TRMT10B: variants seen among roughly 807,000 people sequenced by gnomAD.
TRMT10B encodes the protein tRNA methyltransferase 10 homolog B.
TRMT10B carries 33 observed loss-of-function variants against 43.8 expected under a neutral mutation model. The ratio of observed to expected loss-of-function variants is 0.75; its 90% CI spans 0.57 to 1.01. The LOEUF (loss-of-function observed/expected upper bound fraction) is 1.01, where lower values mean the gene tolerates loss of function less well. Ranked by LOEUF, TRMT10B falls within the 50% of genes least tolerant of loss-of-function variation. The pLI, the probability that TRMT10B is intolerant of heterozygous loss-of-function variation, is 0.00. For missense variants in TRMT10B, 362 were observed against 369.8 expected, an observed-to-expected ratio of 0.98 and a Z score of 0.17; for synonymous variants, 137 against 130.6, an observed-to-expected ratio of 1.05 and a Z score of -0.34.
chr9:37,760,947 T>C (rs1034854755), intron 1 of TRMT10B, among the ~76,000 whole-genome samples: 16 of 152,196 alleles, frequency 1.1e-4, no homozygotes, highest in African/African-American at 3.9e-4. Flanking sequence ...TTGACATCAT[T>C]AAGTGTTGTG....
chr9:37,768,768 A>G (rs1176588765), intron 5 of TRMT10B, among the ~76,000 whole-genome samples: 1 of 152,180 alleles, frequency 6.6e-6, no homozygotes. Context: ...AGGTCCATGG[A>G]AGTGATGAAT....
chr9:37,769,341 A>AAAC (rs1827307155), intron 5 of TRMT10B, among the ~76,000 whole-genome samples: 1 of 139,946 alleles, frequency 7.1e-6, no homozygotes, highest in Non-Finnish European at 1.5e-5. Context: ...AAAAAAAAAA[A>AAAC]TCTCCTTTCA....
intron 4 of TRMT10B, 181 bp downstream of exon 4, chr9:37,763,934 G>A (rs1563992945): frequency 7.8e-7 from 1 of 1,275,570 alleles, no homozygotes; most frequent in Non-Finnish European, 1.1e-6. Flanking sequence ...ACCTGGAAGA[G>A]AATATATATA....
intron 7 of TRMT10B, among the ~76,000 whole-genome samples, chr9:37,775,490 T>C (rs896359867): frequency 2.6e-5 from 4 of 152,164 alleles, no homozygotes; most frequent in African/African-American, 9.7e-5. Context: ...TGGCCTCAAG[T>C]TGATGGACTT....
At chr9:37,777,148 C>G (rs952536544) in intron 8 of TRMT10B, among the ~76,000 whole-genome samples, 2 of 116,562 alleles carry the variant, frequency 1.7e-5, no homozygotes, top group African/African-American at 3.4e-5. Flanking sequence ...GAGCTGAGAT[C>G]GTGCCATTGC....
At chr9:37,753,758 T>A (rs1419215090), upstream of TRMT10B, 2 of 151,988 alleles carry the variant, frequency 1.3e-5, no homozygotes, top group African/African-American at 4.8e-5. Context: ...ATTTCCAGAA[T>A]GCCATTCGGA....
Position 37,756,798 on chromosome 9 carries a change from A to ATG in TRMT10B, c.-30+2950_-30+2951dup, listed in dbSNP as rs570209811. ...TACATATGTGTATACATACATGTGT[A>ATG]TGTGTATATATGTGTGCATATGTGT... On this transcript the variant is annotated intron_variant, in intron 1 of 8. Coordinates refer to ENST00000297994, the MANE Select transcript of TRMT10B (RefSeq NM_144964.4). Among the ~76,000 whole-genome samples, 206 of 129,328 alleles carry ATG rather than the reference A, an allele frequency of 1.6e-3. 2 individuals are homozygous for ATG. The highest frequency in any genetic ancestry group is 3.0e-3 in the Non-Finnish European group (175 of 58,672). 84.8% of individuals were successfully genotyped at this position (129,328 alleles called of 152,430 possible).
At chr9:37,769,341 A>AAAAAAAAC (rs1827307155) in intron 5 of TRMT10B, among the ~76,000 whole-genome samples, 1 of 139,946 alleles carries the variant, frequency 7.1e-6, no homozygotes, top group Non-Finnish European at 1.5e-5. Flanking sequence ...AAAAAAAAAA[A>AAAAAAAAC]TCTCCTTTCA....
Position 37,770,494 on chromosome 9 carries a change from C to T in TRMT10B, c.653-178C>T, listed in dbSNP as rs147498500. On this transcript the variant is annotated intron_variant, in intron 6 of 8. Coordinates refer to ENST00000297994, the MANE Select transcript of TRMT10B (RefSeq NM_144964.4). ...CCTTTTTCGTGATTAGCTATGCCAACAGTTTGTCTGTTTTATTGGCCATTT... is the reference window on the plus strand; with the variant it reads ...CCTTTTTCGTGATTAGCTATGCCAATAGTTTGTCTGTTTTATTGGCCATTT... Among the ~76,000 whole-genome samples the T allele has an allele frequency of 4.3e-3, 657 of 152,280 alleles. 5 individuals carry two copies. The highest frequency in any genetic ancestry group is 0.015 in the African/African-American group (642 of 41,542).
At chr9:37,763,326 A>C (rs1826620422) in intron 3 of TRMT10B, among the ~76,000 whole-genome samples, 1 of 152,056 alleles carries the variant, frequency 6.6e-6, no homozygotes, top group Non-Finnish European at 1.5e-5. Context: ...AATAAAGAGG[A>C]GCTGTTATTA....
rs765267752 is a variant in TRMT10B, at chr9:37,762,587, AG to A, written c.198del (p.Arg67GlufsTer9). 8 of 1,588,906 alleles carry A rather than the reference AG, an allele frequency of 5.0e-6. No individual in the cohort carries two copies. Among genetic ancestry groups the A allele is most frequent in the Non-Finnish European group, 6.9e-6 (8 of 1,167,342 alleles). On this transcript the variant is annotated frameshift_variant, in exon 3 of 9. Coordinates refer to ENST00000297994, the MANE Select transcript of TRMT10B (RefSeq NM_144964.4). LOFTEE classifies it high-confidence loss of function. ...TCTGGATAATATAAGAAAAATGTCCAGAGAAAACAGAGACACTGGGAAAAGA... is the reference window on the plus strand; with the variant it reads ...TCTGGATAATATAAGAAAAATGTCCAAGAAAACAGAGACACTGGGAAAAGA... Reference protein sequence around the residue: ...GSTAWCSKNVQRKQRHWEKIV... With the variant: ...GSTAWCSKNVXRKQRHWEKIV...
chr9:37,756,641 G>A (rs1025711751), intron 1 of TRMT10B, among the ~76,000 whole-genome samples: 2 of 151,932 alleles, frequency 1.3e-5, no homozygotes, highest in Non-Finnish European at 2.9e-5. Context: ...GGGTGGCAGA[G>A]GTTGCAATGA....
Position 37,762,702 on chromosome 9 carries a change from CTG to C in TRMT10B, c.295+19_295+20del, listed in dbSNP as rs1826493826. ...AAAATCCAGGTGACAATAAATGAGA[CTG>C]TTGGTATAATAATATTTATTTTTTA... On this transcript the variant is annotated intron_variant, in intron 3 of 8. Transcript: ENST00000297994. 1 of 1,556,062 alleles carries C rather than the reference CTG, an allele frequency of 6.4e-7. No individual in the cohort carries two copies. The highest frequency in any genetic ancestry group is 2.0e-5 in the Admixed American group (1 of 50,126).
Position 37,763,736 on chromosome 9 carries a change from C to T in TRMT10B, c.403C>T (p.His135Tyr). The change falls in exon 4 of 9, where the codon CAC becomes TAC. Residue 135 changes from histidine (H) to tyrosine (Y), a missense_variant. Physicochemically the swap from His to Tyr is moderately conservative, Grantham distance 83. Coordinates refer to ENST00000297994, the MANE Select transcript of TRMT10B (RefSeq NM_144964.4). ...PRLCIDLSMT[H>Y]YMSKKELSRL... ...ACTATGTATCGATTTGAGTATGACC[C>T]ACTACATGTCAAAGAAGGTAGAACA... 3 of 1,614,016 alleles carry T rather than the reference C, an allele frequency of 1.9e-6. No individual in the cohort carries two copies. The highest frequency in any genetic ancestry group is 2.5e-6 in the Non-Finnish European group (3 of 1,179,944).
chr9:37,776,578 A>G, intron 8 of TRMT10B, 173 bp downstream of exon 8: 1 of 814,522 alleles, frequency 1.2e-6, no homozygotes, highest in Non-Finnish European at 1.8e-6. Context: ...TTTCTTCGTC[A>G]CCAACTATGT....
intron 1 of TRMT10B, among the ~76,000 whole-genome samples, chr9:37,760,195 C>T (rs1049120145): frequency 3.7e-4 from 56 of 152,226 alleles, no homozygotes; most frequent in African/African-American, 1.2e-3. Context: ...TGGTGGCTGG[C>T]GCCTGTAATC....
In TRMT10B at chr9:37,777,496, G is replaced by A. The variant is rs989674631; in HGVS notation, c.845-105G>A. Reference sequence around the variant, plus strand: ...CCGCAAGACCTTAGTACCACATATGGTGCAGAATAGGTTTGTTGAACGAAA... The same window carrying A: ...CCGCAAGACCTTAGTACCACATATGATGCAGAATAGGTTTGTTGAACGAAA... On this transcript the variant is annotated intron_variant, in intron 8 of 8. Coordinates refer to ENST00000297994, the MANE Select transcript of TRMT10B (RefSeq NM_144964.4). The A allele has an allele frequency of 2.3e-5, 21 of 929,196 alleles. No homozygotes were observed. In the Admixed American group the frequency reaches 3.1e-4, roughly 14 times the overall value. The allele number at this position is 929,196 out of a possible 1,614,324, so 57.6% of individuals were successfully genotyped here.
At position 37,768,237 on chromosome 9, in the gene TRMT10B, C is replaced by G. The variant is rs1249697782; in HGVS notation, c.573+9C>G. 1.2e-6 allele frequency: 2 copies of G among 1,601,132 alleles called. No homozygotes were observed. Among genetic ancestry groups the G allele is most frequent in the African/African-American group, 2.7e-5 (2 of 74,416 alleles). ...GATTTTCTAGTTACCTGGTAAGTCT[C>G]TTTTTGCATATTATTTGAATTGTCA... is the stretch of plus-strand genomic sequence containing the variant. On this transcript the variant is annotated intron_variant, in intron 5 of 8. Coordinates refer to ENST00000297994, the MANE Select transcript of TRMT10B (RefSeq NM_144964.4).
chr9:37,759,043 A>G (rs771612683), intron 1 of TRMT10B, among the ~76,000 whole-genome samples: 2 of 152,196 alleles, frequency 1.3e-5, no homozygotes, highest in African/African-American at 2.4e-5. Flanking sequence ...ATGCTCATAC[A>G]TTGCTGACAG....
Sources: gnomAD v4.1 joint callset for allele counts (sites outside exome capture counted in the v4.1 genomes callset) on GRCh38, gnomAD v4.1.1 for gene constraint, MANE v1.5 for transcripts, NCBI Gene and HGNC (gene_info 2026-07-23, HGNC 2026-07-21) for gene names.